Variants in C2CD2L observed in about 807,000 individuals in gnomAD.
C2CD2L encodes the protein C2CD2 like.
C2CD2L carries 24 observed loss-of-function variants against 69.9 expected under a neutral mutation model. That is an observed-to-expected ratio of 0.34 (90% CI 0.25 to 0.48). The LOEUF (loss-of-function observed/expected upper bound fraction) is 0.48. Ranked by LOEUF, C2CD2L falls within the 20% of genes least tolerant of loss-of-function variation. C2CD2L has a pLI of 0.99. For synonymous variants in C2CD2L, 367 were observed against 391.0 expected (o/e 0.94, Z 0.72); for missense variants, 811 against 941.5 (o/e 0.86, Z 1.81).
At chr11:119,104,730 C>G (rs1565768982), upstream of C2CD2L, among the ~76,000 whole-genome samples, 2 of 152,196 alleles carry the variant, frequency 1.3e-5, no homozygotes, top group Non-Finnish European at 2.9e-5. Context: ...TTCTAAGTAG[C>G]CTTGAGTGGC....
Position 119,107,608 on chromosome 11 carries a change from G to T in C2CD2L, c.-134G>T, listed in dbSNP as rs2134934325. 1 of 482,394 alleles carries T rather than the reference G, an allele frequency of 2.1e-6. No homozygotes were observed. The highest frequency in any genetic ancestry group is 3.7e-5 in the East Asian group (1 of 27,288). The allele number at this position is 482,394 out of a possible 1,614,324, so 29.9% of individuals were successfully genotyped here. On this transcript the variant is annotated 5_prime_UTR_variant, in exon 1 of 14. Transcript: ENST00000648610. The surrounding 1 kb of genome is among the most constrained non-coding windows in gnomAD (Gnocchi z 5.4). ...GGCACCCACTAGTCCTGGGCACTCAGCCGCGGAGAGCCCCCGACCCCGCGC... is the reference window on the plus strand; with the variant it reads ...GGCACCCACTAGTCCTGGGCACTCATCCGCGGAGAGCCCCCGACCCCGCGC...
Position 119,112,347 on chromosome 11 carries a change from C to T in C2CD2L, c.1039C>T (p.Arg347Trp), listed in dbSNP as rs762325460. 20 of 1,612,744 alleles carry T rather than the reference C, an allele frequency of 1.2e-5. 1 individual carries two copies. The highest frequency in any genetic ancestry group is 3.7e-4 in the Middle Eastern group (2 of 5,448). Residue 347 changes from arginine to tryptophan, a missense_variant, in exon 8 of 14, where the codon CGG becomes TGG. Physicochemically the swap from Arg to Trp is moderately radical, Grantham distance 101. Coordinates refer to ENST00000648610, the MANE Select transcript of C2CD2L (RefSeq NM_001290474.2). ...CCACAGGGATCTGGGCCCCCAGAGC[C>T]GGGAGCTGACCCTCAAAGTGCTGAG... is the stretch of plus-strand genomic sequence containing the variant. ...DLALDLGPQSRELTLKVLRSS... is the reference protein window; with the variant it reads ...DLALDLGPQSWELTLKVLRSS...
chr11:119,113,009 C>T, intron 10 of C2CD2L, 135 bp downstream of exon 10: 1 of 700,508 alleles, frequency 1.4e-6, no homozygotes, highest in Non-Finnish European at 2.3e-6. Context: ...AGTCCTACCA[C>T]ATCTTCCTCC....
At chr11:119,112,280 C>T (rs1223974095) in intron 7 of C2CD2L, 48 bp from the exon 8 acceptor site, 3 of 1,554,564 alleles carry the variant, frequency 1.9e-6, no homozygotes, top group African/African-American at 2.7e-5. Flanking sequence ...AGTGTGGGTT[C>T]AGCTTGCTAA....
chr11:119,113,943 G>A lies in C2CD2L; in HGVS notation c.1578G>A (p.Lys526=), dbSNP rs749072243. ...AGCCCAGTGGGCGGGTGGCCAAGAA[G>A]ACACCCACCAAGCGCAGCACTCTCA... The part of the protein sequence containing the change: ...LTEPSGRVAK[K]TPTKRSTLII... The change falls in exon 12 of 14, where the codon AAG becomes AAA. Residue 526 remains lysine (K), a synonymous_variant. Coordinates refer to ENST00000648610, the MANE Select transcript of C2CD2L (RefSeq NM_001290474.2). 1.3e-5 allele frequency: 21 copies of A among 1,614,102 alleles called. No individual in the cohort carries two copies. In the South Asian group the frequency reaches 2.2e-4, roughly 17 times the overall value.
chr11:119,112,559 A>G lies in C2CD2L; in HGVS notation c.1162A>G (p.Thr388Ala), dbSNP rs1326908510. The part of the protein sequence containing the change: ...PLSRRQLCPL[T>A]PGPGKALGPA... ...GTCTCGAAGACAGTTGTGCCCACTC[A>G]CCCCAGGGCCAGGGAAAGCCCTGGG... The change falls in exon 9 of 14, where the codon ACC becomes GCC. Residue 388 changes from threonine to alanine, a missense_variant. By Grantham distance (58) the Thr-to-Ala change is moderately conservative (BLOSUM62 0). Coordinates refer to ENST00000648610, the MANE Select transcript of C2CD2L (RefSeq NM_001290474.2). 1 of 1,612,652 alleles carries G rather than the reference A, an allele frequency of 6.2e-7. No individual in the cohort carries two copies. The highest frequency in any genetic ancestry group is 1.3e-5 in the African/African-American group (1 of 74,814).
rs750287598 is a variant in C2CD2L, at chr11:119,107,730, C to T, written c.-12C>T. 6.8e-7 allele frequency: 1 copy of T among 1,475,628 alleles called. No individual in the cohort carries two copies. 91.4% of individuals were successfully genotyped at this position (1,475,628 alleles called of 1,614,324 possible). A position where few individuals can be genotyped will look rare whatever the true frequency, so the allele number is the denominator to read the frequency against. On this transcript the variant is annotated 5_prime_UTR_variant, in exon 1 of 14. Transcript: ENST00000648610. This position sits in a 1 kb window ranked among gnomAD's most constrained non-coding sequence, Gnocchi z 5.4. ...GCCCCAGCCGGGACCGGGATCGGAG[C>T]CCGCGCGGAGCATGGATCCGGGCTG...
chr11:119,108,026 C>G lies in C2CD2L; in HGVS notation c.285C>G (p.Phe95Leu). 1 of 1,599,592 alleles carries G rather than the reference C, an allele frequency of 6.3e-7. No individual in the cohort carries two copies. Among genetic ancestry groups the G allele is most frequent in the Non-Finnish European group, 8.5e-7 (1 of 1,174,440 alleles). Residue 95 changes from phenylalanine (F) to leucine (L), a missense_variant, in exon 1 of 14, where the codon TTC becomes TTG. Phe to Leu is a conservative substitution (Grantham distance 22). Coordinates refer to ENST00000648610, the MANE Select transcript of C2CD2L (RefSeq NM_001290474.2). ...GCCTCCTGGCGTCACTCTTCGCCTT[C>G]AAGTCTTTCCGGGAGAACTGGCAGC... ...VRGLLASLFAFKSFRENWQRA... is the reference protein window; with the variant it reads ...VRGLLASLFALKSFRENWQRA...
At chr11:119,111,904 C>T in intron 7 of C2CD2L, 1 of 465,058 alleles carries the variant, frequency 2.2e-6, no homozygotes, top group Non-Finnish European at 3.9e-6. Context: ...CGTCAGAGTG[C>T]CTAGGTGGGG....
chr11:119,108,653 C>T (rs1946656276), intron 1 of C2CD2L, among the ~76,000 whole-genome samples: 2 of 152,160 alleles, frequency 1.3e-5, no homozygotes, highest in Non-Finnish European at 2.9e-5. Flanking sequence ...AGTGCCCCTA[C>T]CAGTAGATGA....
Position 119,110,839 on chromosome 11 carries a change from G to T in C2CD2L, c.571-8G>T, listed in dbSNP as rs1309129220. 1.9e-6 allele frequency: 3 copies of T among 1,613,916 alleles called. No homozygotes were observed. The highest frequency in any genetic ancestry group is 2.5e-6 in the Non-Finnish European group (3 of 1,179,844). The stretch of plus-strand genomic sequence containing the variant: ...AAGTCAGCCCAGTCACTTTGTTCCT[G>T]TCTGTAGTTGGAAGTCAACCTGGAG... On this transcript the variant is annotated splice_region_variant and splice_polypyrimidine_tract_variant and intron_variant, in intron 3 of 13. Transcript: ENST00000648610. The surrounding 1 kb of genome is among the most constrained non-coding windows in gnomAD (Gnocchi z 5.7).
chr11:119,114,479 C>T lies in C2CD2L; in HGVS notation c.1909+114C>T, dbSNP rs1486844235. ...TCCTCCCCTAAGAGATAGCCGGATT[C>T]CCAGCCTAGTTCAGCCAAGCTAGCC... On this transcript the variant is annotated intron_variant, in intron 13 of 13. Transcript: ENST00000648610. This position sits in a 1 kb window ranked among gnomAD's most constrained non-coding sequence, Gnocchi z 5.1. The T allele has an allele frequency of 9.1e-7, 1 of 1,099,298 alleles. No homozygotes were observed. Among genetic ancestry groups the T allele is most frequent in the Admixed American group, 2.0e-5 (1 of 48,810 alleles). 68.1% of individuals were successfully genotyped at this position (1,099,298 alleles called of 1,614,324 possible).
Position 119,111,533 on chromosome 11 carries a change from T to G in C2CD2L, c.923T>G (p.Leu308Arg). 1 of 1,614,106 alleles carries G rather than the reference T, an allele frequency of 6.2e-7. No homozygotes were observed. The highest frequency in any genetic ancestry group is 8.5e-7 in the Non-Finnish European group (1 of 1,179,942). ...LGNELEGTEE[L>R]CCVAELDNPM... ...TGGTTCATCACAGGCACCGAGGAAC[T>G]GTGCTGTGTAGCTGAACTCGACAAC... is the stretch of plus-strand genomic sequence containing the variant. The change falls in exon 7 of 14, where the codon CTG becomes CGG. Residue 308 changes from leucine (L) to arginine (R), a missense_variant. Physicochemically the swap from Leu to Arg is moderately radical, Grantham distance 102. Coordinates refer to ENST00000648610, the MANE Select transcript of C2CD2L (RefSeq NM_001290474.2).
chr11:119,112,256 C>T, intron 7 of C2CD2L, 72 bp from the exon 8 acceptor site: 1 of 1,347,156 alleles, frequency 7.4e-7, no homozygotes, highest in Non-Finnish European at 1.0e-6. Context: ...TGCCTCTGGC[C>T]TGTGATCCAC....
chr11:119,103,464 A>G (rs1174455290), upstream of C2CD2L, among the ~76,000 whole-genome samples: 1 of 152,184 alleles, frequency 6.6e-6, no homozygotes, highest in Non-Finnish European at 1.5e-5. Flanking sequence ...TGGTAGGCGA[A>G]GGTGGGTGGC....
At chr11:119,108,358 ATCCCTGTGCCTGAGGGCACT>A (rs1265412137) in intron 1 of C2CD2L, 1 of 408,626 alleles carries the variant, frequency 2.4e-6, no homozygotes, top group East Asian at 4.1e-5. Context: ...AGCAACGCTA[ATCCCTGTGCCTGAGGGCACT>A]TCCGCCTTGC....
chr11:119,113,326 T>C (rs1946798985), intron 10 of C2CD2L: 1 of 435,074 alleles, frequency 2.3e-6, no homozygotes. Flanking sequence ...CCCCACTGAA[T>C]TGCCCCAACT....
Position 119,112,576 on chromosome 11 carries a change from A to G in C2CD2L, c.1179A>G (p.Lys393=). ...GCCCACTCACCCCAGGGCCAGGGAA[A>G]GCCCTGGGACCAGCAGCCACCATGG... ...QLCPLTPGPG[K]ALGPAATMAV... The change falls in exon 9 of 14, where the codon AAA becomes AAG. Residue 393 remains lysine (K), a synonymous_variant. Transcript: ENST00000648610. The G allele has an allele frequency of 6.2e-7, 1 of 1,612,226 alleles. No homozygotes were observed. The highest frequency in any genetic ancestry group is 1.1e-5 in the South Asian group (1 of 90,984).
In C2CD2L at chr11:119,111,134, T is replaced by G; in HGVS notation, c.764T>G (p.Val255Gly). ...GTCAGCACCCAGCCAGCCATGATGG[T>G]CAACCTCAGGGCTTGCTCTGCCCCA... ...AIVSTQPAMM[V>G]NLRACSAPGG... Residue 255 changes from valine (V) to glycine (G), a missense_variant, in exon 5 of 14, where the codon GTC becomes GGC. Physicochemically the swap from Val to Gly is moderately radical, Grantham distance 109. Coordinates refer to ENST00000648610, the MANE Select transcript of C2CD2L (RefSeq NM_001290474.2). 6.2e-7 allele frequency: 1 copy of G among 1,613,914 alleles called. No homozygotes were observed. Among genetic ancestry groups the G allele is most frequent in the Non-Finnish European group, 8.5e-7 (1 of 1,180,016 alleles).
Sources: gnomAD v4.1 joint callset for allele counts (sites outside exome capture counted in the v4.1 genomes callset) on GRCh38, gnomAD v4.1.1 for gene constraint, Gnocchi (gnomAD v3.1) non-coding constraint, MANE v1.5 for transcripts, NCBI Gene and HGNC (gene_info 2026-07-23, HGNC 2026-07-21) for gene names.